The following SPIRE1 variants were observed in gnomAD, a reference collection of about 807,000 sequenced individuals.
SPIRE1 encodes protein spire homolog 1.
In SPIRE1, 40 loss-of-function variants were observed where a neutral mutation model predicts 94.1. The observed-to-expected ratio is 0.43, with a 90% confidence interval of 0.33 to 0.55. SPIRE1 has a LOEUF of 0.55. Ranked by LOEUF, SPIRE1 falls within the 20% of genes least tolerant of loss-of-function variation. SPIRE1 has a pLI of 0.06. For missense variants in SPIRE1, 838 were observed against 975.2 expected (o/e 0.86, Z 1.87); for synonymous variants, 376 against 371.7 (o/e 1.01, Z -0.13).
intron 2 of SPIRE1, among the ~76,000 whole-genome samples, chr18:12,599,452 T>C (rs1220226643): frequency 6.6e-6 from 1 of 152,180 alleles, no homozygotes; most frequent in Non-Finnish European, 1.5e-5. Context: ...TTTATAGAGA[T>C]GGCATCTCGC....
chr18:12,549,439 GTTTTTTTTTTTTTTTTT>G lies in SPIRE1; in HGVS notation c.373-2552_373-2536del, dbSNP rs869122444. Among the ~76,000 whole-genome samples the G allele has an allele frequency of 5.1e-4, 21 of 41,258 alleles. 1 individual carries two copies. The highest frequency in any genetic ancestry group is 2.5e-3 in the African/African-American group (21 of 8,272). The allele number at this position is 41,258 out of a possible 152,430, so 27.1% of individuals were successfully genotyped here. ...CTTTTTGTTTGTTTTTGTTATTGTT[GTTTTTTTTTTTTTTTTT>G]TTTTTTTTTTTTTGGAGACAGAGTC... On this transcript the variant is annotated intron_variant, in intron 2 of 16. Transcript: ENST00000409402.
At chr18:12,519,801 T>C (rs1021502116) in intron 4 of SPIRE1, among the ~76,000 whole-genome samples, 1 of 152,226 alleles carries the variant, frequency 6.6e-6, no homozygotes, top group African/African-American at 2.4e-5. Flanking sequence ...ATTGTCAAGA[T>C]GTAGGAGAAT....
At chr18:12,457,496 G>T (rs2031567373) in intron 12 of SPIRE1, among the ~76,000 whole-genome samples, 1 of 152,180 alleles carries the variant, frequency 6.6e-6, no homozygotes, top group South Asian at 2.1e-4. Context: ...GGCTCCCACT[G>T]CATGTGTTCG....
chr18:12,550,900 T>C (rs1273219687), intron 2 of SPIRE1, among the ~76,000 whole-genome samples: 3 of 152,234 alleles, frequency 2.0e-5, no homozygotes, highest in Admixed American at 6.5e-5. Flanking sequence ...TCAATCTGTC[T>C]ACAGATCCTT....
chr18:12,478,737 G>A (rs964960547), intron 10 of SPIRE1, among the ~76,000 whole-genome samples: 9 of 152,122 alleles, frequency 5.9e-5, no homozygotes, highest in Admixed American at 5.9e-4. Flanking sequence ...AGGAAGGGCA[G>A]TGGAGACCCA....
At chr18:12,494,317 G>C (rs1405789617) in intron 7 of SPIRE1, among the ~76,000 whole-genome samples, 1 of 151,938 alleles carries the variant, frequency 6.6e-6, no homozygotes, top group Admixed American at 6.6e-5. Context: ...GGAAATAAAG[G>C]CTCTGGGAGG....
At position 12,657,612 on chromosome 18, in the gene SPIRE1, G is replaced by C; in HGVS notation, c.255C>G (p.Ala85=). The change falls in exon 1 of 17, where the codon GCC becomes GCG. Residue 85 remains alanine (A), a synonymous_variant. Coordinates refer to ENST00000409402, the MANE Select transcript of SPIRE1 (RefSeq NM_001128626.2). ...RRQPRHRVRS[A]AQIRVWRDGA... ...CGTCCCTCCAGACGCGGATCTGCGC[G>C]GCCGAGCGCACACGGTGGCGGGGCT... is the stretch of plus-strand genomic sequence containing the variant. 7.8e-7 allele frequency: 1 copy of C among 1,283,346 alleles called. No individual in the cohort carries two copies. The highest frequency in any genetic ancestry group is 9.8e-7 in the Non-Finnish European group (1 of 1,018,654). The allele number at this position is 1,283,346 out of a possible 1,614,324, so 79.5% of individuals were successfully genotyped here.
intron 3 of SPIRE1, among the ~76,000 whole-genome samples, chr18:12,539,852 G>A (rs918683763): frequency 2.6e-5 from 4 of 151,328 alleles, no homozygotes; most frequent in Admixed American, 1.3e-4. Flanking sequence ...GCTTGAACCC[G>A]GGAGGTGGAG....
At position 12,657,731 on chromosome 18, in the gene SPIRE1, G is replaced by T; in HGVS notation, c.136C>A (p.Leu46Met). 1 of 1,403,128 alleles carries T rather than the reference G, an allele frequency of 7.1e-7. No individual in the cohort carries two copies. The allele number at this position is 1,403,128 out of a possible 1,614,324, so 86.9% of individuals were successfully genotyped here. ...TTGATGGGCTGGTTGTACAGCCGCA[G>T]GATCTCCTCCAGGCTCAGCGCGTCC... ...SRDALSLEEILRLYNQPINEE... is the reference protein window; with the variant it reads ...SRDALSLEEIMRLYNQPINEE... The change falls in exon 1 of 17, where the codon CTG (leucine) becomes ATG (methionine). Residue 46 changes from leucine to methionine, a missense_variant. Coordinates refer to ENST00000409402, the MANE Select transcript of SPIRE1 (RefSeq NM_001128626.2).
chr18:12,597,288 C>A (rs924249965), intron 2 of SPIRE1, among the ~76,000 whole-genome samples: 2 of 152,020 alleles, frequency 1.3e-5, no homozygotes, highest in Non-Finnish European at 2.9e-5. Flanking sequence ...ATCCCCCATT[C>A]TGACCACCAG....
In SPIRE1 at chr18:12,634,235, G is replaced by A. The variant is rs1293325206; in HGVS notation, c.372+827C>T. Among the ~76,000 whole-genome samples the A allele has an allele frequency of 3.4e-5, 5 of 147,860 alleles. No individual in the cohort carries two copies. The South Asian group carries it at 1.1e-3, about 33-fold the overall frequency. ...TGCCCTCCAGCCTGGGCGACAGAGC[G>A]AGACTCCGTCTAAAAATAAAAATAA... On this transcript the variant is annotated intron_variant, in intron 2 of 16. Coordinates refer to ENST00000409402, the MANE Select transcript of SPIRE1 (RefSeq NM_001128626.2).
intron 2 of SPIRE1, among the ~76,000 whole-genome samples, chr18:12,548,524 TA>T (rs2035237652): frequency 6.6e-6 from 1 of 152,180 alleles, no homozygotes; most frequent in Admixed American, 6.5e-5. Context: ...AATACTGTTT[TA>T]AAATATTTTT....
chr18:12,514,706 TG>T (rs2034145231), intron 4 of SPIRE1, among the ~76,000 whole-genome samples: 1 of 152,140 alleles, frequency 6.6e-6, no homozygotes, highest in East Asian at 1.9e-4. Flanking sequence ...CTAGGGAAGT[TG>T]GGGAGCGGTA....
intron 6 of SPIRE1, among the ~76,000 whole-genome samples, chr18:12,505,718 A>G (rs897401087): frequency 2.6e-5 from 4 of 152,334 alleles, no homozygotes; most frequent in Admixed American, 1.3e-4. Flanking sequence ...TTTACATACA[A>G]GGATACACAA....
chr18:12,499,728 G>GA (rs768511863), intron 6 of SPIRE1, among the ~76,000 whole-genome samples: 100 of 151,256 alleles, frequency 6.6e-4, no homozygotes, highest in Non-Finnish European at 1.4e-3. Context: ...GCAACAGAAG[G>GA]AAAAATAGAT....
At chr18:12,504,069 G>A (rs541942215) in intron 6 of SPIRE1, among the ~76,000 whole-genome samples, 1 of 147,580 alleles carries the variant, frequency 6.8e-6, no homozygotes, top group Non-Finnish European at 1.5e-5. Flanking sequence ...AGTTACTACT[G>A]AGCATCTTTA....
At chr18:12,599,959 A>T (rs2036784826) in intron 2 of SPIRE1, among the ~76,000 whole-genome samples, 1 of 152,102 alleles carries the variant, frequency 6.6e-6, no homozygotes, top group Non-Finnish European at 1.5e-5. Context: ...ATTATATTAC[A>T]TAAGACAGCT....
Position 12,449,723 on chromosome 18 carries a change from A to G in SPIRE1, c.2186T>C (p.Leu729Ser). The change falls in exon 17 of 17, where the codon TTG (leucine) becomes TCG (serine). Residue 729 changes from leucine to serine, a missense_variant. Transcript: ENST00000409402. Reference protein sequence around the residue: ...SLVLANKRARLKRKTQSFYMS... With the variant: ...SLVLANKRARSKRKTQSFYMS... The stretch of plus-strand genomic sequence containing the variant: ...GTAGAAAGACTGCGTTTTCCTTTTC[A>G]ATCGGGCCCTTTTGTTGGCCAACAC... The G allele has an allele frequency of 1.2e-6, 2 of 1,614,124 alleles. No individual in the cohort carries two copies. The highest frequency in any genetic ancestry group is 2.2e-5 in the South Asian group (2 of 91,078).
intron 14 of SPIRE1, 94 bp from the exon 15 acceptor site, chr18:12,452,606 C>A: frequency 8.4e-7 from 1 of 1,193,472 alleles, no homozygotes; most frequent in Non-Finnish European, 1.3e-6. Context: ...TAAGTTTCCA[C>A]AATAAACTGC....
Sources: gnomAD v4.1 joint callset for allele counts (sites outside exome capture counted in the v4.1 genomes callset) on GRCh38, gnomAD v4.1.1 for gene constraint, MANE v1.5 for transcripts, NCBI Gene and HGNC (gene_info 2026-07-23, HGNC 2026-07-21) for gene names.